Variants in PLCB4 observed in about 807,000 individuals in gnomAD.
PLCB4 encodes phospholipase C beta 4.
In PLCB4, 77 loss-of-function variants were observed where a neutral mutation model predicts 178.8. The observed-to-expected ratio is 0.43, with a 90% CI of 0.36 to 0.52. The LOEUF (loss-of-function observed/expected upper bound fraction) is 0.52, where lower values mean the gene tolerates loss of function less well. PLCB4 is among the 20% of genes least tolerant of loss of function. The pLI is 0.00. For synonymous variants in PLCB4, 496 were observed against 490.8 expected (o/e 1.01, Z -0.14); for missense variants, 1,024 against 1,453.4 (o/e 0.70, Z 4.80).
intron 28 of PLCB4, among the ~76,000 whole-genome samples, chr20:9,434,557 G>T (rs1054554568): frequency 2.0e-5 from 3 of 152,070 alleles, no homozygotes; most frequent in Non-Finnish European, 4.4e-5. Flanking sequence ...TGTATTTTTA[G>T]TAAAGACGGG....
chr20:9,329,857 G>T (rs1484240504), intron 4 of PLCB4, among the ~76,000 whole-genome samples: 1 of 152,060 alleles, frequency 6.6e-6, no homozygotes, highest in East Asian at 1.9e-4. Context: ...GGCACAAATG[G>T]AATGAACATT....
intron 28 of PLCB4, among the ~76,000 whole-genome samples, chr20:9,428,303 G>T (rs1459289692): frequency 2.0e-5 from 3 of 152,068 alleles, no homozygotes; most frequent in Non-Finnish European, 2.9e-5. Context: ...CTTTCTTGTG[G>T]CCTTTTCTGT....
chr20:9,294,617 A>G (rs989643098), intron 3 of PLCB4, among the ~76,000 whole-genome samples: 8 of 152,114 alleles, frequency 5.3e-5, no homozygotes, highest in Non-Finnish European at 7.4e-5. Context: ...GCTGGGCTGG[A>G]TAAGGATTTA....
chr20:9,114,033 G>A (rs2091690823), intron 2 of PLCB4, among the ~76,000 whole-genome samples: 1 of 152,078 alleles, frequency 6.6e-6, no homozygotes, highest in Non-Finnish European at 1.5e-5. Context: ...GGCCAACATG[G>A]TGAAACCCTG....
chr20:9,154,567 T>C (rs941779993), intron 2 of PLCB4, among the ~76,000 whole-genome samples: 1 of 152,184 alleles, frequency 6.6e-6, no homozygotes, highest in African/African-American at 2.4e-5. Context: ...TGCTTCACTC[T>C]GGCCCCCTTT....
Position 9,453,272 on chromosome 20 carries a change from G to A in PLCB4, c.2881-75G>A. 3.6e-6 allele frequency: 3 copies of A among 833,452 alleles called. No homozygotes were observed. The African/African-American group carries it at 5.1e-5, about 14-fold the overall frequency. The allele number at this position is 833,452 out of a possible 1,614,324, so 51.6% of individuals were successfully genotyped here. A position where few individuals can be genotyped will look rare whatever the true frequency, so the allele number is the denominator to read the frequency against. On this transcript the variant is annotated intron_variant, in intron 32 of 39. Coordinates refer to ENST00000378473, the MANE Select transcript of PLCB4 (RefSeq NM_001377142.1). ...AAATGAAGACTCTAGGGAAGCTGGTGAAAGTTATGCCAGCCCTATATGGTG... is the reference window on the plus strand; with the variant it reads ...AAATGAAGACTCTAGGGAAGCTGGTAAAAGTTATGCCAGCCCTATATGGTG...
At position 9,444,261 on chromosome 20, in the gene PLCB4, T is replaced by C. The variant is rs1436889341; in HGVS notation, c.2880+18T>C. ...ATGCAAAGGTACAGTGCTCTACAGC[T>C]ACTATTTTGTGTTATGTATGGATGA... On this transcript the variant is annotated intron_variant, in intron 32 of 39. Transcript: ENST00000378473. 4.8e-6 allele frequency: 7 copies of C among 1,469,306 alleles called. No homozygotes were observed. The highest frequency in any genetic ancestry group is 6.6e-6 in the Non-Finnish European group (7 of 1,054,486). The allele number at this position is 1,469,306 out of a possible 1,614,324, so 91.0% of individuals were successfully genotyped here. A position where few individuals can be genotyped will look rare whatever the true frequency, so the allele number is the denominator to read the frequency against.
chr20:9,385,780 C>T (rs977326043), intron 14 of PLCB4, among the ~76,000 whole-genome samples: 9 of 150,888 alleles, frequency 6.0e-5, no homozygotes, highest in Admixed American at 2.0e-4. Flanking sequence ...ACGGGGCAGC[C>T]GGGCAGAGGG....
Position 9,468,537 on chromosome 20 carries a change from C to A in PLCB4, c.3249-34C>A, listed in dbSNP as rs201294522. The A allele has an allele frequency of 4.7e-5, 59 of 1,266,872 alleles. No homozygotes were observed. In the African/African-American group the frequency reaches 6.7e-4, roughly 14 times the overall value. 78.5% of individuals were successfully genotyped at this position (1,266,872 alleles called of 1,614,324 possible). A position where few individuals can be genotyped will look rare whatever the true frequency, so the allele number is the denominator to read the frequency against. On this transcript the variant is annotated intron_variant, in intron 35 of 39. Coordinates refer to ENST00000378473, the MANE Select transcript of PLCB4 (RefSeq NM_001377142.1). ...CATTAAACACAAACTCTCCATCCCC[C>A]CTCCCTGTTTGTTTTCTTGTTTTTA...
At chr20:9,167,097 T>C (rs1230177952) in intron 2 of PLCB4, among the ~76,000 whole-genome samples, 4 of 152,158 alleles carry the variant, frequency 2.6e-5, no homozygotes, top group African/African-American at 9.7e-5. Flanking sequence ...CCATAAGACA[T>C]GTATAGGTAT....
At chr20:9,300,994 C>G (rs994034946) in intron 3 of PLCB4, among the ~76,000 whole-genome samples, 8 of 151,898 alleles carry the variant, frequency 5.3e-5, no homozygotes, top group African/African-American at 1.7e-4. Context: ...AGAACCCATT[C>G]CTGGCCTATT....
At chr20:9,476,025 T>G (rs1371302153) in intron 38 of PLCB4, among the ~76,000 whole-genome samples, 1 of 152,112 alleles carries the variant, frequency 6.6e-6, no homozygotes, top group Non-Finnish European at 1.5e-5. Context: ...CCCTCAAAGG[T>G]TTCTTTCTGT....
At chr20:9,226,359 C>T (rs1397787298) in intron 3 of PLCB4, among the ~76,000 whole-genome samples, 1 of 152,150 alleles carries the variant, frequency 6.6e-6, no homozygotes, top group Non-Finnish European at 1.5e-5. Context: ...AGAGCCCATA[C>T]TGAGCTAATA....
chr20:9,399,125 C>T (rs183492515), intron 19 of PLCB4, among the ~76,000 whole-genome samples: 1 of 152,314 alleles, frequency 6.6e-6, no homozygotes, highest in East Asian at 1.9e-4. Flanking sequence ...GCTTTCCCAC[C>T]ATCTACATCC....
Position 9,366,661 on chromosome 20 carries a change from T to G in PLCB4, c.503+1147T>G, listed in dbSNP as rs550883278. Among the ~76,000 whole-genome samples, 27 of 152,348 alleles carry G rather than the reference T, an allele frequency of 1.8e-4. No homozygotes were observed. In the East Asian group the frequency reaches 4.6e-3, roughly 26 times the overall value. On this transcript the variant is annotated intron_variant, in intron 9 of 39. Coordinates refer to ENST00000378473, the MANE Select transcript of PLCB4 (RefSeq NM_001377142.1). ...CTTCAGTACCTTTTTGGTTGGTGTT[T>G]GTTTTAAGCATTCATGGAAATTCCA...
intron 2 of PLCB4, among the ~76,000 whole-genome samples, chr20:9,213,991 T>C (rs2093701286): frequency 6.6e-6 from 1 of 152,230 alleles, no homozygotes. Flanking sequence ...TATTTGTCTT[T>C]TTCCTGTCCA....
intron 12 of PLCB4, among the ~76,000 whole-genome samples, chr20:9,378,163 G>A (rs768750264): frequency 6.6e-6 from 1 of 152,088 alleles, no homozygotes; most frequent in Non-Finnish European, 1.5e-5. Context: ...TCTCTCTCCT[G>A]TAGCTGAATC....
chr20:9,313,216 A>T (rs1158486499), intron 4 of PLCB4, among the ~76,000 whole-genome samples: 1 of 152,238 alleles, frequency 6.6e-6, no homozygotes, highest in Non-Finnish European at 1.5e-5. Flanking sequence ...TAGTTTTTCA[A>T]CTGTTATAAT....
At chr20:9,459,930 T>C in intron 35 of PLCB4, 120 bp downstream of exon 35, 1 of 649,430 alleles carries the variant, frequency 1.5e-6, no homozygotes, top group East Asian at 2.8e-5. Context: ...ATGTAGCTCT[T>C]TTGTGTATCT....
Sources: allele counts gnomAD v4.1 joint callset (sites outside exome capture counted in the v4.1 genomes callset), GRCh38; gene constraint gnomAD v4.1.1; transcripts MANE v1.5; gene names NCBI Gene and HGNC (gene_info 2026-07-23, HGNC 2026-07-21).